TSPEAR: variants seen among roughly 807,000 people sequenced by gnomAD.
TSPEAR encodes the protein thrombospondin type laminin G domain and EAR repeats, also known as thrombospondin-type laminin G domain and EAR repeat-containing protein.
A neutral mutation model predicts 71.6 loss-of-function variants in TSPEAR; 69 were observed. The observed-to-expected ratio is 0.96, with a 90% CI of 0.79 to 1.18. The LOEUF is 1.18. TSPEAR is among the 50% of genes most tolerant of loss of function. The pLI is 0.00. For missense variants in TSPEAR, 971 were observed against 894.9 expected, an observed-to-expected ratio of 1.09 and a Z score of -1.09; for synonymous variants, 402 against 387.2, an observed-to-expected ratio of 1.04 and a Z score of -0.45.
At chr21:44,557,374 T>G (rs1555919999) in intron 2 of TSPEAR, among the ~76,000 whole-genome samples, 1 of 152,200 alleles carries the variant, frequency 6.6e-6, no homozygotes, top group East Asian at 1.9e-4. Context: ...CCACAGAGAC[T>G]TCAGGCATTG....
intron 9 of TSPEAR, among the ~76,000 whole-genome samples, chr21:44,511,604 T>C (rs1048802269): frequency 3.3e-5 from 5 of 152,156 alleles, no homozygotes; most frequent in Non-Finnish European, 7.4e-5. Flanking sequence ...GCATGACATC[T>C]ACACACACAC....
In TSPEAR at chr21:44,533,869, C is replaced by G. The variant is rs138031432; in HGVS notation, c.358G>C (p.Gly120Arg). The change falls in exon 3 of 12, where the codon GGC (glycine) becomes CGC (arginine). Residue 120 changes from glycine (G) to arginine (R), a missense_variant. Physicochemically the swap from Gly to Arg is moderately radical, Grantham distance 125. Coordinates refer to ENST00000323084, the MANE Select transcript of TSPEAR (RefSeq NM_144991.3). ...AGCTGGGCAGGTGACAACCGCAGGCCGAGCAGCAGCAGGTCGCTCTCCTCT... is the reference window on the plus strand; with the variant it reads ...AGCTGGGCAGGTGACAACCGCAGGCGGAGCAGCAGCAGGTCGCTCTCCTCT... ...VAEESDLLLL[G>R]LRLSPAQLHF... 2.5e-6 allele frequency: 4 copies of G among 1,612,094 alleles called. No homozygotes were observed. Among genetic ancestry groups the G allele is most frequent in the Non-Finnish European group, 3.4e-6 (4 of 1,179,848 alleles).
At chr21:44,697,831 C>G in intron 1 of TSPEAR, 2 of 1,613,620 alleles carry the variant, frequency 1.2e-6, no homozygotes, top group South Asian at 1.1e-5. Flanking sequence ...GCCGCGTGCC[C>G]GTCCCCTCCT....
In TSPEAR at chr21:44,642,382, G is replaced by C. The variant is rs1169130850; in HGVS notation, c.82+69051C>G. 1.3e-5 allele frequency among the ~76,000 whole-genome samples: 2 copies of C among 152,128 alleles called. No homozygotes were observed. The highest frequency in any genetic ancestry group is 4.8e-5 in the African/African-American group (2 of 41,406). On this transcript the variant is annotated intron_variant, in intron 1 of 11. Coordinates refer to ENST00000323084, the MANE Select transcript of TSPEAR (RefSeq NM_144991.3). The surrounding 1 kb of genome is among the most constrained non-coding windows in gnomAD (Gnocchi z 4.1). Reference sequence around the variant, plus strand: ...GAGGTCCTCTGGATTCCTCTAGTAAGACTGGTGACATCCTGATGCCAAAAC... The same window carrying C: ...GAGGTCCTCTGGATTCCTCTAGTAACACTGGTGACATCCTGATGCCAAAAC...
chr21:44,627,841 T>G, intron 1 of TSPEAR: 1 of 1,613,934 alleles, frequency 6.2e-7, no homozygotes, highest in Non-Finnish European at 8.5e-7. Context: ...CACCACCTCC[T>G]GCTGCAGACC....
chr21:44,701,283 GCGA>G (rs754867277), intron 1 of TSPEAR, among the ~76,000 whole-genome samples: 2 of 152,090 alleles, frequency 1.3e-5, no homozygotes, highest in African/African-American at 2.4e-5. Flanking sequence ...CTTCCTTCCA[GCGA>G]CGTGAAACGA....
chr21:44,530,889 G>C (rs587632620), intron 4 of TSPEAR, among the ~76,000 whole-genome samples, 154 bp downstream of exon 4: 4 of 152,224 alleles, frequency 2.6e-5, no homozygotes, highest in African/African-American at 9.7e-5. Context: ...AACAGCAAGC[G>C]TGAAGGCCCT....
chr21:44,616,182 G>T (rs1982082745), intron 1 of TSPEAR, among the ~76,000 whole-genome samples: 1 of 152,244 alleles, frequency 6.6e-6, no homozygotes, highest in Non-Finnish European at 1.5e-5. Context: ...TCTGTTCGAT[G>T]CAGGCAAAGG....
chr21:44,575,847 G>A (rs1308511003), intron 1 of TSPEAR, among the ~76,000 whole-genome samples: 2 of 152,158 alleles, frequency 1.3e-5, no homozygotes, highest in African/African-American at 4.8e-5. Context: ...CTTCCACCCT[G>A]TGTGAGCAGA....
chr21:44,527,001 A>T (rs2052869209), intron 7 of TSPEAR, among the ~76,000 whole-genome samples: 1 of 152,058 alleles, frequency 6.6e-6, no homozygotes, highest in Non-Finnish European at 1.5e-5. Context: ...TCATGTAAAC[A>T]CTCTCAACAG....
At chr21:44,594,366 AT>A (rs1980215435) in intron 1 of TSPEAR, among the ~76,000 whole-genome samples, 1 of 152,232 alleles carries the variant, frequency 6.6e-6, no homozygotes, top group African/African-American at 2.4e-5. Flanking sequence ...CTGTGACCCC[AT>A]AGTACTCAGG....
intron 1 of TSPEAR, among the ~76,000 whole-genome samples, chr21:44,621,240 T>C (rs233270): frequency 0.76 from 116,112 of 152,182 alleles, 48,767 homozygotes; most frequent in Non-Finnish European, 0.94. Context: ...TGTTATTTTA[T>C]ACTTTTTTAA....
In TSPEAR at chr21:44,540,182, G is replaced by A. The variant is rs782650956; in HGVS notation, c.304-6259C>T. 9.4e-6 allele frequency: 15 copies of A among 1,600,866 alleles called. No homozygotes were observed. The East Asian group carries it at 1.6e-4, about 17-fold the overall frequency. On this transcript the variant is annotated intron_variant, in intron 2 of 11. Transcript: ENST00000323084. ...GTGGGGAGGAGGTGAGCTGCGGGAG[G>A]TGTGAGTGAGTGAGTGTGGGAGTCA...
intron 1 of TSPEAR, chr21:44,573,972 T>C (rs1278986301): frequency 6.2e-7 from 1 of 1,612,022 alleles, no homozygotes; most frequent in East Asian, 2.2e-5. Flanking sequence ...CCCAGTGACC[T>C]GTGAGCCCAG....
intron 1 of TSPEAR, among the ~76,000 whole-genome samples, chr21:44,594,104 G>A (rs1555927318): frequency 6.6e-6 from 1 of 152,156 alleles, no homozygotes; most frequent in Non-Finnish European, 1.5e-5. Context: ...CATTTCAAGT[G>A]GTCCGTATTC....
intron 1 of TSPEAR, among the ~76,000 whole-genome samples, chr21:44,583,507 T>A (rs1252002285): frequency 6.6e-6 from 1 of 152,164 alleles, no homozygotes; most frequent in Non-Finnish European, 1.5e-5. Flanking sequence ...GCATGCAGTG[T>A]TTTTTCACTC....
At chr21:44,635,645 G>T (rs1359946722) in intron 1 of TSPEAR, among the ~76,000 whole-genome samples, 2 of 152,066 alleles carry the variant, frequency 1.3e-5, no homozygotes, top group African/African-American at 4.8e-5. Context: ...AATAGTATTG[G>T]TTGCCAGGGG....
chr21:44,671,756 T>C (rs1555945983), intron 1 of TSPEAR, among the ~76,000 whole-genome samples: 1 of 152,106 alleles, frequency 6.6e-6, no homozygotes, highest in Non-Finnish European at 1.5e-5. Context: ...TTATGTCAGA[T>C]GTGCAGATAT....
chr21:44,551,457 A>G (rs782777972), intron 2 of TSPEAR: 2 of 1,606,654 alleles, frequency 1.2e-6, no homozygotes, highest in Non-Finnish European at 1.7e-6. Context: ...GGAGGCGGCC[A>G]TGCTGGAGTG....
Sources: allele counts gnomAD v4.1 joint callset (sites outside exome capture counted in the v4.1 genomes callset), GRCh38; gene constraint gnomAD v4.1.1; non-coding constraint Gnocchi (gnomAD v3.1); transcripts MANE v1.5; gene names NCBI Gene and HGNC (gene_info 2026-07-23, HGNC 2026-07-21).